MOCOS: variants seen among roughly 807,000 people sequenced by gnomAD.
MOCOS encodes the protein human molybdenum cofactor sulfurase.
A neutral mutation model predicts 83.6 loss-of-function variants in MOCOS; 86 were observed. That is an observed-to-expected ratio of 1.03 (90% CI 0.86 to 1.23). MOCOS has a LOEUF of 1.23. Among genes scored for constraint, MOCOS ranks in the 50% most tolerant of loss-of-function variants. MOCOS has a pLI of 0.00. For missense variants in MOCOS, 1,120 were observed against 1,126.9 expected, an observed-to-expected ratio of 0.99 and a Z score of 0.09; for synonymous variants, 445 against 434.7, an observed-to-expected ratio of 1.02 and a Z score of -0.29.
rs2091697708 is a variant in MOCOS at position 36,271,039 on chromosome 18, C to T, written c.*2354C>T. The T allele has an allele frequency of 1.3e-5, 2 of 151,776 alleles. No homozygotes were observed. The highest frequency in any genetic ancestry group is 1.3e-4 in the Admixed American group (2 of 15,230). 9.4% of individuals were successfully genotyped at this position (151,776 alleles called of 1,614,324 possible). The stretch of plus-strand genomic sequence containing the variant: ...ATGGCATCTCACTTTGTTGCCCAGG[C>T]TAGTTTTGAATTCCTGGGCTCAAGC... On this transcript the variant is annotated 3_prime_UTR_variant, in exon 15 of 15. Transcript: ENST00000261326.
intron 1 of MOCOS, among the ~76,000 whole-genome samples, chr18:36,193,779 C>T (rs2091376042): frequency 6.6e-6 from 1 of 152,126 alleles, no homozygotes; most frequent in Admixed American, 6.5e-5. Flanking sequence ...TGAACACCAT[C>T]AAGAAAGTGA....
intron 1 of MOCOS, among the ~76,000 whole-genome samples, chr18:36,191,306 C>G (rs1341774347): frequency 6.6e-6 from 1 of 152,162 alleles, no homozygotes; most frequent in Non-Finnish European, 1.5e-5. Context: ...GTATCAGATT[C>G]AAAAGTTGCC....
intron 1 of MOCOS, among the ~76,000 whole-genome samples, chr18:36,191,466 C>A (rs115895202): frequency 6.6e-6 from 1 of 152,096 alleles, no homozygotes; most frequent in Admixed American, 6.5e-5. Flanking sequence ...CTTTTTGAGA[C>A]GGGGACTTGC....
At chr18:36,257,225 G>A (rs1468995051) in intron 12 of MOCOS, 152 bp downstream of exon 12, 1 of 735,104 alleles carries the variant, frequency 1.4e-6, no homozygotes. Flanking sequence ...TGAGAAGTAA[G>A]CAGGCCCTTT....
At position 36,200,203 on chromosome 18, in the gene MOCOS, GC is replaced by G; in HGVS notation, c.821del (p.Ala274ValfsTer12). On this transcript the variant is annotated frameshift_variant, in exon 4 of 15. Transcript: ENST00000261326. LOFTEE classifies it high-confidence loss of function. ...CTTCGGGTTTCCTACAGGCCTGGGC[GC>G]TCTGCTGGTCCATAATCGTGCGGCT... ...KIFGFPTGLG[A>X]LLVHNRAAPL... is the part of the protein sequence containing the mutation. 6.2e-7 allele frequency: 1 copy of G among 1,614,188 alleles called. No individual in the cohort carries two copies. The highest frequency in any genetic ancestry group is 1.1e-5 in the South Asian group (1 of 91,082).
chr18:36,248,395 G>T (rs893092380), intron 9 of MOCOS, among the ~76,000 whole-genome samples: 1 of 152,024 alleles, frequency 6.6e-6, no homozygotes, highest in East Asian at 1.9e-4. Context: ...TCTGTTGGTT[G>T]TCTCTTCATT....
chr18:36,232,559 C>T (rs1055466481), intron 9 of MOCOS, among the ~76,000 whole-genome samples: 2 of 152,006 alleles, frequency 1.3e-5, no homozygotes, highest in African/African-American at 4.8e-5. Context: ...CATAGTCACC[C>T]TATTGTGCTA....
At chr18:36,219,504 C>A (rs1053315394) in intron 8 of MOCOS, among the ~76,000 whole-genome samples, 12 of 151,940 alleles carry the variant, frequency 7.9e-5, no homozygotes, top group Non-Finnish European at 1.6e-4. Flanking sequence ...CATGGTGAAA[C>A]CCTGTCTTTA....
Position 36,205,098 on chromosome 18 carries a change from A to G in MOCOS, c.1040A>G (p.Gln347Arg), listed in dbSNP as rs1337379357. 2 of 1,613,200 alleles carry G rather than the reference A, an allele frequency of 1.2e-6. No individual in the cohort carries two copies. Among genetic ancestry groups the G allele is most frequent in the African/African-American group, 2.7e-5 (2 of 74,826 alleles). ...TGAGGTGGAATGGAGAATATAAAGC[A>G]GCACACCTTCACCTTGGCTCAGTAT... The part of the protein sequence containing the change: ...RLTGGMENIK[Q>R]HTFTLAQYTY... The change falls in exon 6 of 15, where the codon CAG becomes CGG. Residue 347 changes from glutamine (Q) to arginine (R), a missense_variant. Physicochemically the swap from Gln to Arg is conservative, Grantham distance 43. Coordinates refer to ENST00000261326, the MANE Select transcript of MOCOS (RefSeq NM_017947.4).
At chr18:36,188,002 G>A (rs891175269) in intron 1 of MOCOS, among the ~76,000 whole-genome samples, 2 of 152,204 alleles carry the variant, frequency 1.3e-5, no homozygotes, top group Admixed American at 6.5e-5. Flanking sequence ...ACTGTAAAGG[G>A]CCTGCTGGGG....
rs57706492 is a variant in MOCOS, at chr18:36,198,989, C to G, written c.299+233C>G. On this transcript the variant is annotated intron_variant, in intron 3 of 14. Coordinates refer to ENST00000261326, the MANE Select transcript of MOCOS (RefSeq NM_017947.4). The stretch of plus-strand genomic sequence containing the variant: ...CAGGTAGGTGGCTCTGAGGTGCACA[C>G]AGCTGTTCTGTGTGGCTCCAGAGAC... Among the ~76,000 whole-genome samples, 5,354 of 152,258 alleles carry G rather than the reference C, an allele frequency of 0.035. 280 individuals are homozygous for G. The highest frequency in any genetic ancestry group is 0.11 in the African/African-American group (4,730 of 41,520).
rs1226866120 is a variant in MOCOS, at chr18:36,251,232, A to G, written c.2113A>G (p.Ile705Val). ...STFFGRPCHL[I>V]KQSSNSQRNA... ...ATTTTTTGGCCGTCCTTGTCATTTG[A>G]TCAAACAAAGTTCAAACTCTCAAAG... Residue 705 changes from isoleucine (I) to valine (V), a missense_variant, in exon 11 of 15, where the codon ATC (isoleucine) becomes GTC (valine). Ile to Val is a conservative substitution (Grantham distance 29). Transcript: ENST00000261326. 6.2e-7 allele frequency: 1 copy of G among 1,613,936 alleles called. No homozygotes were observed. Among genetic ancestry groups the G allele is most frequent in the South Asian group, 1.1e-5 (1 of 91,082 alleles).
chr18:36,236,873 T>A (rs1156336016), intron 9 of MOCOS, among the ~76,000 whole-genome samples: 16 of 150,632 alleles, frequency 1.1e-4, no homozygotes, highest in African/African-American at 3.9e-4. Flanking sequence ...GATTCCTAGG[T>A]ATTTTATTCT....
In MOCOS at chr18:36,187,653, G is replaced by C. The variant is rs947117355; in HGVS notation, c.114G>C (p.Leu38=). 4.8e-6 allele frequency: 6 copies of C among 1,254,772 alleles called. No individual in the cohort carries two copies. The African/African-American group carries it at 7.6e-5, about 16-fold the overall frequency. 77.7% of individuals were successfully genotyped at this position (1,254,772 alleles called of 1,614,324 possible). A position where few individuals can be genotyped will look rare whatever the true frequency, so the allele number is the denominator to read the frequency against. The change falls in exon 1 of 15, where the codon CTG becomes CTC. Residue 38 remains leucine, a synonymous_variant. Transcript: ENST00000261326. ...ACGGCCCGGGCAGCCTGCGCGAGCT[G>C]CGGGCGCGCGAGTTCAGCCGCCTGG... ...YGYGPGSLRE[L]RAREFSRLAG... is the part of the protein sequence containing the mutation.
At chr18:36,223,962 G>T (rs1342257879) in intron 9 of MOCOS, among the ~76,000 whole-genome samples, 1 of 152,176 alleles carries the variant, frequency 6.6e-6, no homozygotes, top group Non-Finnish European at 1.5e-5. Context: ...CTCCTGAGTA[G>T]CTGGGACAAC....
intron 9 of MOCOS, among the ~76,000 whole-genome samples, chr18:36,234,269 C>A (rs2091549509): frequency 6.6e-6 from 1 of 152,178 alleles, no homozygotes. Flanking sequence ...GTTATCCCAG[C>A]ACCATTTGTT....
intron 11 of MOCOS, among the ~76,000 whole-genome samples, chr18:36,254,153 A>G (rs1010060986): frequency 7.9e-5 from 12 of 152,154 alleles, no homozygotes; most frequent in Non-Finnish European, 1.5e-4. Flanking sequence ...TTAGGGTCCC[A>G]TGTTCTCTGG....
Position 36,199,866 on chromosome 18 carries a change from G to T in MOCOS, c.483G>T (p.Val161=). The T allele has an allele frequency of 6.2e-7, 1 of 1,613,998 alleles. No individual in the cohort carries two copies. The highest frequency in any genetic ancestry group is 8.5e-7 in the Non-Finnish European group (1 of 1,179,910). ...CCTCCGTAGTGGGTATGCGGAACGT[G>T]ACCATGGCTATAAATGTCATATCCA... ...SHTSVVGMRN[V]TMAINVISTP... The change falls in exon 4 of 15, where the codon GTG becomes GTT. Residue 161 remains valine (V), a synonymous_variant. Coordinates refer to ENST00000261326, the MANE Select transcript of MOCOS (RefSeq NM_017947.4).
At chr18:36,231,246 T>C (rs1438814562) in intron 9 of MOCOS, among the ~76,000 whole-genome samples, 1 of 152,248 alleles carries the variant, frequency 6.6e-6, no homozygotes, top group African/African-American at 2.4e-5. Context: ...ATAACTGAGC[T>C]ATATATTTGG....
Sources: allele counts gnomAD v4.1 joint callset (sites outside exome capture counted in the v4.1 genomes callset), GRCh38; gene constraint gnomAD v4.1.1; transcripts MANE v1.5; gene names NCBI Gene and HGNC (gene_info 2026-07-23, HGNC 2026-07-21).